The following WDR19 variants were observed in gnomAD, a reference collection of about 807,000 sequenced individuals.
WDR19 encodes the protein WD repeat-containing protein 19.
Under a neutral mutation model 180.0 loss-of-function variants are expected in WDR19, and 121 were observed. That is an observed-to-expected ratio of 0.67 (90% CI 0.58 to 0.78). The LOEUF (loss-of-function observed/expected upper bound fraction) is 0.78. Among genes scored for constraint, WDR19 ranks in the 30% least tolerant of loss-of-function variants. WDR19 has a pLI of 0.00. For missense variants in WDR19, 1,450 were observed against 1,640.7 expected (o/e 0.88, Z 2.01); for synonymous variants, 497 against 540.7 (o/e 0.92, Z 1.12).
intron 24 of WDR19, among the ~76,000 whole-genome samples, chr4:39,252,539 T>TA (rs1250229617): frequency 1.3e-5 from 2 of 151,808 alleles, no homozygotes; most frequent in Non-Finnish European, 2.9e-5. Flanking sequence ...AATTAAAAAA[T>TA]TTTTTAAAGA....
chr4:39,244,638 T>C (rs759404782), intron 23 of WDR19, 86 bp downstream of exon 23: 13 of 1,432,550 alleles, frequency 9.1e-6, no homozygotes, highest in Non-Finnish European at 1.2e-5. Flanking sequence ...TTGCCATGCT[T>C]TCTCTCTGTC....
chr4:39,255,039 C>T (rs999512823), intron 26 of WDR19, among the ~76,000 whole-genome samples: 1 of 151,898 alleles, frequency 6.6e-6, no homozygotes, highest in African/African-American at 2.4e-5. Context: ...TGACTTCTTG[C>T]AAAGTTATTA....
At chr4:39,255,790 G>T in intron 26 of WDR19, 58 bp from the exon 27 acceptor site, 2 of 869,926 alleles carry the variant, frequency 2.3e-6, no homozygotes, top group Non-Finnish European at 1.7e-6. Context: ...TTTCAGGTTA[G>T]CAATAAAAGG....
At position 39,214,638 on chromosome 4, in the gene WDR19, T is replaced by G. The variant is rs746431590; in HGVS notation, c.928T>G (p.Tyr310Asp). 2 of 1,585,326 alleles carry G rather than the reference T, an allele frequency of 1.3e-6. No individual in the cohort carries two copies. The highest frequency in any genetic ancestry group is 2.4e-5 in the South Asian group (2 of 84,776). The change falls in exon 10 of 37, where the codon TAT (tyrosine) becomes GAT (aspartate). Residue 310 changes from tyrosine (Y) to aspartate (D), a missense_variant. Transcript: ENST00000399820. ...AGACTTGGTTGACTTAAAAGACATG[T>G]ATGTTATACTCAACCTGGATGAGGA... is the stretch of plus-strand genomic sequence containing the variant. The part of the protein sequence containing the change: ...IQDLVDLKDM[Y>D]VILNLDEENK...
chr4:39,266,169 C>T (rs774409536), intron 29 of WDR19, 29 bp downstream of exon 29: 2 of 1,508,570 alleles, frequency 1.3e-6, no homozygotes, highest in South Asian at 1.3e-5. Flanking sequence ...TCGTGTGCAT[C>T]CTCAGGTCTC....
intron 31 of WDR19, 98 bp from the exon 32 acceptor site, chr4:39,272,882 C>A: frequency 1.0e-6 from 1 of 992,396 alleles, no homozygotes; most frequent in Non-Finnish European, 1.5e-6. Flanking sequence ...CACAGTGACC[C>A]TGGGCCATCA....
chr4:39,224,866 ATTTTT>A lies in WDR19; in HGVS notation c.1480-7_1480-3del. On this transcript the variant is annotated splice_polypyrimidine_tract_variant and intron_variant, in intron 14 of 36. Transcript: ENST00000399820. ...CTACCTTTTATATTTTCATGGCTGGATTTTTTTTTTTTTTTAGACTGGTGTCGTTC... is the reference window on the plus strand; with the variant it reads ...CTACCTTTTATATTTTCATGGCTGGATTTTTTTTTTAGACTGGTGTCGTTC... 3 of 1,300,558 alleles carry A rather than the reference ATTTTT, an allele frequency of 2.3e-6. No homozygotes were observed. The highest frequency in any genetic ancestry group is 2.0e-6 in the Non-Finnish European group (2 of 988,542). 80.6% of individuals were successfully genotyped at this position (1,300,558 alleles called of 1,614,324 possible).
intron 23 of WDR19, among the ~76,000 whole-genome samples, chr4:39,245,105 T>C (rs965466520): frequency 6.8e-6 from 1 of 146,630 alleles, no homozygotes; most frequent in Non-Finnish European, 1.5e-5. Flanking sequence ...GCCTGGCTAA[T>C]TTTTGTATTT....
intron 28 of WDR19, among the ~76,000 whole-genome samples, chr4:39,259,052 G>C (rs1229453077): frequency 2.6e-5 from 4 of 152,074 alleles, no homozygotes; most frequent in Non-Finnish European, 5.9e-5. Context: ...TGGGCAACAA[G>C]AATGAAACTC....
At chr4:39,207,948 A>G (rs1728118731) in intron 9 of WDR19, among the ~76,000 whole-genome samples, 1 of 152,290 alleles carries the variant, frequency 6.6e-6, no homozygotes, top group Admixed American at 6.5e-5. Flanking sequence ...AATATATAAG[A>G]CAACTATACT....
intron 28 of WDR19, among the ~76,000 whole-genome samples, chr4:39,260,824 G>T (rs1734214826): frequency 6.6e-6 from 1 of 152,134 alleles, no homozygotes; most frequent in African/African-American, 2.4e-5. Context: ...TCCTGTACAT[G>T]TATGCAAGGA....
Position 39,244,254 on chromosome 4 carries a change from G to T in WDR19, c.2428G>T (p.Asp810Tyr), listed in dbSNP as rs1168307194. Reference protein sequence around the residue: ...KGITGDNKEHDEACLAGVAQM... With the variant: ...KGITGDNKEHYEACLAGVAQM... ...GTTTGCCTTGTGATTGCAGGAACAT[G>T]ATGAAGCTTGTCTGGCTGGAGTGGC... The change falls in exon 22 of 37, where the codon GAT becomes TAT. Residue 810 changes from aspartate (D) to tyrosine (Y), a missense_variant. Asp to Tyr is a radical substitution (Grantham distance 160, BLOSUM62 -3). Transcript: ENST00000399820. 1.6e-5 allele frequency: 26 copies of T among 1,610,864 alleles called. No homozygotes were observed. The highest frequency in any genetic ancestry group is 2.1e-5 in the Non-Finnish European group (25 of 1,177,690).
intron 4 of WDR19, among the ~76,000 whole-genome samples, chr4:39,191,971 CAT>C (rs1277794539): frequency 1.3e-5 from 2 of 152,124 alleles, no homozygotes; most frequent in African/African-American, 4.8e-5. Flanking sequence ...GCTTTAGTAT[CAT>C]ATTGTAATTT....
chr4:39,200,239 A>G (rs1727231622), intron 6 of WDR19, among the ~76,000 whole-genome samples: 1 of 152,242 alleles, frequency 6.6e-6, no homozygotes, highest in African/African-American at 2.4e-5. Flanking sequence ...TATACTATAG[A>G]AAGAATATGA....
intron 24 of WDR19, among the ~76,000 whole-genome samples, chr4:39,245,759 A>G (rs1449655860): frequency 6.6e-6 from 1 of 152,240 alleles, no homozygotes; most frequent in Non-Finnish European, 1.5e-5. Context: ...AAGGATTATT[A>G]TTTTATAAAT....
At chr4:39,215,274 A>G (rs1728947054) in intron 10 of WDR19, among the ~76,000 whole-genome samples, 1 of 151,776 alleles carries the variant, frequency 6.6e-6, no homozygotes, top group African/African-American at 2.4e-5. Flanking sequence ...GTCCACATAC[A>G]TGGTCCATAT....
intron 34 of WDR19, among the ~76,000 whole-genome samples, chr4:39,277,781 C>CA (rs1308938112): frequency 1.3e-5 from 2 of 152,128 alleles, no homozygotes; most frequent in African/African-American, 2.4e-5. Context: ...AGGCAGGGTA[C>CA]AGTGGCTCAT....
intron 14 of WDR19, among the ~76,000 whole-genome samples, chr4:39,223,511 A>G (rs1729917690): frequency 6.6e-6 from 1 of 151,754 alleles, no homozygotes; most frequent in South Asian, 2.1e-4. Context: ...TTGTATTTTT[A>G]GTAGAGACGG....
chr4:39,189,803 T>C, intron 4 of WDR19, 22 bp downstream of exon 4: 1 of 1,585,820 alleles, frequency 6.3e-7, no homozygotes, highest in Non-Finnish European at 8.5e-7. Flanking sequence ...TTTTAATTTT[T>C]TAAAGCTTCA....
Sources: gnomAD v4.1 joint callset for allele counts (sites outside exome capture counted in the v4.1 genomes callset) on GRCh38, gnomAD v4.1.1 for gene constraint, MANE v1.5 for transcripts, NCBI Gene and HGNC (gene_info 2026-07-23, HGNC 2026-07-21) for gene names.